HERC1: variants seen among roughly 807,000 people sequenced by gnomAD.
HERC1 encodes the protein probable E3 ubiquitin-protein ligase HERC1.
Under a neutral mutation model 554.3 loss-of-function variants are expected in HERC1, and 160 were observed. The observed-to-expected ratio is 0.29, with a 90% confidence interval of 0.25 to 0.33. The LOEUF (loss-of-function observed/expected upper bound fraction) is 0.33, where lower values mean the gene tolerates loss of function less well. HERC1 is among the 10% of genes least tolerant of loss of function. The pLI is 1.00. For synonymous variants in HERC1, 2,175 were observed against 2,131.7 expected, an observed-to-expected ratio of 1.02 and a Z score of -0.56; for missense variants, 4,919 against 5,918.5, an observed-to-expected ratio of 0.83 and a Z score of 5.54.
Position 63,680,643 on chromosome 15 carries a change from T to C in HERC1, c.6359A>G (p.His2120Arg). Reference sequence around the variant, plus strand: ...CAATGTGAGAGTCTGTTCTCCATTGTGATAGAGGTTACCACTGTAGGCCCT... The same window carrying C: ...CAATGTGAGAGTCTGTTCTCCATTGCGATAGAGGTTACCACTGTAGGCCCT... ...LYRAYSGNLY[H>R]NGEQTLTLSS... is the part of the protein sequence containing the mutation. The change falls in exon 35 of 78, where the codon CAC (histidine) becomes CGC (arginine). Residue 2120 changes from histidine (H) to arginine (R), a missense_variant. Transcript: ENST00000443617. This position sits in a 1 kb window ranked among gnomAD's most constrained non-coding sequence, Gnocchi z 5.8. The C allele has an allele frequency of 6.2e-7, 1 of 1,613,862 alleles. No homozygotes were observed. Among genetic ancestry groups the C allele is most frequent in the Non-Finnish European group, 8.5e-7 (1 of 1,179,794 alleles).
chr15:63,715,306 C>A lies in HERC1; in HGVS notation c.4150+996G>T, dbSNP rs1188484869. Among the ~76,000 whole-genome samples, 3 of 152,170 alleles carry A rather than the reference C, an allele frequency of 2.0e-5. No individual in the cohort carries two copies. The East Asian group carries it at 5.8e-4, about 29-fold the overall frequency. On this transcript the variant is annotated intron_variant, in intron 22 of 77. Transcript: ENST00000443617. ...TTAAAAAGTGTTAGTTCCCAGATGA[C>A]TATCATTCTTTTATTGTAATTGAGG...
At chr15:63,647,541 C>T (rs1273228843) in intron 55 of HERC1, among the ~76,000 whole-genome samples, 4 of 152,154 alleles carry the variant, frequency 2.6e-5, no homozygotes, top group Admixed American at 2.0e-4. Flanking sequence ...CAAAAAGATG[C>T]CTGCACTCAT....
At chr15:63,788,200 A>G (rs2076518621) in intron 1 of HERC1, among the ~76,000 whole-genome samples, 1 of 152,134 alleles carries the variant, frequency 6.6e-6, no homozygotes, top group Non-Finnish European at 1.5e-5. Flanking sequence ...AATCCAGTAC[A>G]AGTCAGACTG....
intron 2 of HERC1, among the ~76,000 whole-genome samples, chr15:63,769,316 G>A (rs2075879360): frequency 6.6e-6 from 1 of 151,866 alleles, no homozygotes; most frequent in Non-Finnish European, 1.5e-5. Flanking sequence ...CTACTCATGA[G>A]GCTGAGGCAG....
chr15:63,790,854 T>C (rs753211294), intron 1 of HERC1, among the ~76,000 whole-genome samples: 13 of 151,968 alleles, frequency 8.6e-5, no homozygotes, highest in Admixed American at 2.0e-4. Flanking sequence ...CAAAAAAAGT[T>C]TGTATGACCA....
intron 25 of HERC1, among the ~76,000 whole-genome samples, chr15:63,700,532 C>T (rs898469826): frequency 2.6e-5 from 4 of 151,570 alleles, no homozygotes; most frequent in Non-Finnish European, 5.9e-5. Context: ...TAACACGGAG[C>T]TAATATTACA....
intron 1 of HERC1, among the ~76,000 whole-genome samples, chr15:63,799,583 C>T (rs1424921121): frequency 6.6e-6 from 1 of 151,942 alleles, no homozygotes; most frequent in Non-Finnish European, 1.5e-5. Flanking sequence ...CTACAAAACC[C>T]CTGGAAGAAA....
intron 16 of HERC1, among the ~76,000 whole-genome samples, chr15:63,728,103 A>G (rs1286824665): frequency 6.6e-6 from 1 of 152,168 alleles, no homozygotes; most frequent in Non-Finnish European, 1.5e-5. Context: ...ATTCATTATG[A>G]ATTTCTCATT....
At position 63,612,562 on chromosome 15, in the gene HERC1, C is replaced by G. The variant is rs1056541583; in HGVS notation, c.14095-6G>C. 1 of 1,610,432 alleles carries G rather than the reference C, an allele frequency of 6.2e-7. No homozygotes were observed. The highest frequency in any genetic ancestry group is 1.1e-5 in the South Asian group (1 of 90,596). Reference sequence around the variant, plus strand: ...CCTTCTCGGACTGCAGCCACCTGCTCCCGGGAGAGGTTGCTCATTCAATGA... The same window carrying G: ...CCTTCTCGGACTGCAGCCACCTGCTGCCGGGAGAGGTTGCTCATTCAATGA... On this transcript the variant is annotated splice_polypyrimidine_tract_variant and splice_region_variant and intron_variant, in intron 76 of 77. Transcript: ENST00000443617. This position sits in a 1 kb window ranked among gnomAD's most constrained non-coding sequence, Gnocchi z 5.0.
chr15:63,705,940 G>C (rs974329456), intron 25 of HERC1, among the ~76,000 whole-genome samples: 1 of 145,718 alleles, frequency 6.9e-6, no homozygotes, highest in Middle Eastern at 3.5e-3. Flanking sequence ...TGGAGTAGGA[G>C]GATCCCTTGA....
chr15:63,647,620 C>T (rs1291178531), intron 55 of HERC1, among the ~76,000 whole-genome samples: 2 of 152,102 alleles, frequency 1.3e-5, no homozygotes, highest in African/African-American at 2.4e-5. Context: ...CAATGGATGA[C>T]TGGATAACGA....
chr15:63,753,509 G>C (rs2075317901), intron 7 of HERC1, among the ~76,000 whole-genome samples: 1 of 152,026 alleles, frequency 6.6e-6, no homozygotes, highest in African/African-American at 2.4e-5. Context: ...AATAGCTCAT[G>C]AAATTGAAAA....
chr15:63,773,533 GTATTTTATTTTTTTTTATTT>G (rs1373901167), intron 2 of HERC1, among the ~76,000 whole-genome samples: 3 of 149,196 alleles, frequency 2.0e-5, no homozygotes, highest in Admixed American at 6.7e-5. Flanking sequence ...TTTTAAATTT[GTATTTTATTTTTTTTTATTT>G]TATTTTATTT....
chr15:63,631,341 C>A (rs1376061788), intron 68 of HERC1, among the ~76,000 whole-genome samples: 1 of 152,166 alleles, frequency 6.6e-6, no homozygotes, highest in Non-Finnish European at 1.5e-5. Context: ...CACTGAAATT[C>A]TACTCTCAAA....
chr15:63,806,163 T>C (rs570133266), intron 1 of HERC1, among the ~76,000 whole-genome samples: 1 of 151,426 alleles, frequency 6.6e-6, no homozygotes, highest in Non-Finnish European at 1.5e-5. Context: ...AGAACACAAG[T>C]GGTTTTTTTT....
chr15:63,723,479 C>T (rs1364351494), intron 18 of HERC1, 124 bp from the exon 19 acceptor site: 6 of 677,136 alleles, frequency 8.9e-6, no homozygotes, highest in Non-Finnish European at 1.5e-5. Context: ...GTAGATGCTA[C>T]CAAGGTAAAG....
rs2070805282 is a variant in HERC1, at chr15:63,669,684, C to T, written c.8060G>A (p.Ser2687Asn). Reference sequence around the variant, plus strand: ...GGGAAGTACAGTGGTAGTTGGGTAACTAGAGAACATTTGCCTTTAAGAAAA... The same window carrying T: ...GGGAAGTACAGTGGTAGTTGGGTAATTAGAGAACATTTGCCTTTAAGAAAA... Reference protein sequence around the residue: ...PLSLLRQMFSSYPTTTVLPTR... With the variant: ...PLSLLRQMFSNYPTTTVLPTR... The change falls in exon 40 of 78, where the codon AGT (serine) becomes AAT (asparagine). Residue 2687 changes from serine (S) to asparagine (N), a missense_variant. Coordinates refer to ENST00000443617, the MANE Select transcript of HERC1 (RefSeq NM_003922.4). 1 of 1,613,462 alleles carries T rather than the reference C, an allele frequency of 6.2e-7. No individual in the cohort carries two copies. Among genetic ancestry groups the T allele is most frequent in the Non-Finnish European group, 8.5e-7 (1 of 1,179,552 alleles).
At chr15:63,717,157 A>C (rs1431117694) in intron 21 of HERC1, among the ~76,000 whole-genome samples, 1 of 152,230 alleles carries the variant, frequency 6.6e-6, no homozygotes, top group African/African-American at 2.4e-5. Flanking sequence ...ATGACCATTA[A>C]ATAATTTAAG....
chr15:63,705,178 G>T (rs568827819), intron 25 of HERC1, among the ~76,000 whole-genome samples: 2 of 151,556 alleles, frequency 1.3e-5, no homozygotes, highest in Non-Finnish European at 2.9e-5. Flanking sequence ...TTTGAGACAG[G>T]GTCTCACTGT....
Sources: gnomAD v4.1 joint callset for allele counts (sites outside exome capture counted in the v4.1 genomes callset) on GRCh38, gnomAD v4.1.1 for gene constraint, Gnocchi (gnomAD v3.1) non-coding constraint, MANE v1.5 for transcripts, NCBI Gene and HGNC (gene_info 2026-07-23, HGNC 2026-07-21) for gene names.